The following CCDC6 variants were observed in gnomAD, a reference collection of about 807,000 sequenced individuals.
The protein encoded by CCDC6 is coiled-coil domain containing 6.
Under a neutral mutation model 56.6 loss-of-function variants are expected in CCDC6, and 20 were observed. The ratio of observed to expected loss-of-function variants is 0.35; its 90% confidence interval spans 0.25 to 0.51. The LOEUF (loss-of-function observed/expected upper bound fraction) is 0.51, where lower values mean the gene tolerates loss of function less well. CCDC6 is among the 20% of genes least tolerant of loss of function. CCDC6 has a pLI of 0.95. For synonymous variants in CCDC6, 241 were observed against 234.4 expected, an observed-to-expected ratio of 1.03 and a Z score of -0.26; for missense variants, 367 against 601.1, an observed-to-expected ratio of 0.61 and a Z score of 4.07.
chr10:59,837,344 G>T (rs1179376101), intron 2 of CCDC6, among the ~76,000 whole-genome samples: 1 of 152,220 alleles, frequency 6.6e-6, no homozygotes, highest in Non-Finnish European at 1.5e-5. Context: ...CCTAGGTTTT[G>T]TAAAATGTCA....
intron 3 of CCDC6, among the ~76,000 whole-genome samples, chr10:59,824,069 C>CTTCAA: frequency 6.6e-6 from 1 of 152,162 alleles, no homozygotes. Context: ...ATCATCTGTA[C>CTTCAA]AAGTTGACCT....
In CCDC6 at chr10:59,792,343, C is replaced by T; in HGVS notation, c.*574G>A. Reference sequence around the variant, plus strand: ...GATGTCAATAACACAATGAAAATAACCTGTAAAAAATGTATCTGTAGAAAG... The same window carrying T: ...GATGTCAATAACACAATGAAAATAATCTGTAAAAAATGTATCTGTAGAAAG... On this transcript the variant is annotated 3_prime_UTR_variant, in exon 9 of 9. Transcript: ENST00000263102. 2.6e-6 allele frequency: 1 copy of T among 383,800 alleles called. No individual in the cohort carries two copies. The allele number at this position is 383,800 out of a possible 1,614,324, so 23.8% of individuals were successfully genotyped here.
At chr10:59,836,053 A>T (rs368222094) in intron 2 of CCDC6, among the ~76,000 whole-genome samples, 27 of 90,554 alleles carry the variant, frequency 3.0e-4, no homozygotes, top group African/African-American at 1.1e-3. Flanking sequence ...GACCCTGTCT[A>T]AAAAAAAAAA....
At chr10:59,797,553 T>TAGAA (rs1486511441) in intron 7 of CCDC6, among the ~76,000 whole-genome samples, 2 of 107,152 alleles carry the variant, frequency 1.9e-5, no homozygotes, top group Admixed American at 1.4e-4. Flanking sequence ...AAACTGGAGA[T>TAGAA]AGATATTAAG....
At chr10:59,797,048 T>C (rs2070527074) in intron 7 of CCDC6, among the ~76,000 whole-genome samples, 3 of 151,482 alleles carry the variant, frequency 2.0e-5, no homozygotes, top group African/African-American at 7.3e-5. Context: ...GTGATATATA[T>C]AGACATATAA....
At chr10:59,885,927 C>CCA (rs2071380553) in intron 1 of CCDC6, among the ~76,000 whole-genome samples, 1 of 110,470 alleles carries the variant, frequency 9.1e-6, no homozygotes, top group Non-Finnish European at 1.8e-5. Flanking sequence ...CCCCCGCCCC[C>CCA]CCAACTAGAA....
intron 1 of CCDC6, among the ~76,000 whole-genome samples, chr10:59,896,390 C>G (rs1207255758): frequency 6.6e-6 from 1 of 152,148 alleles, no homozygotes; most frequent in Non-Finnish European, 1.5e-5. Flanking sequence ...TTACTGGCAC[C>G]AAGCCCAGAG....
At chr10:59,857,618 C>T (rs2071090622) in intron 1 of CCDC6, among the ~76,000 whole-genome samples, 1 of 151,906 alleles carries the variant, frequency 6.6e-6, no homozygotes, top group Non-Finnish European at 1.5e-5. Context: ...GATAGCAGCC[C>T]TATGGATATG....
intron 1 of CCDC6, among the ~76,000 whole-genome samples, chr10:59,904,437 T>G (rs77329626): frequency 0.018 from 2,818 of 152,338 alleles, 38 homozygotes; most frequent in Non-Finnish European, 0.029. Context: ...GCCCACTGCA[T>G]GCAAAAGGCT....
chr10:59,885,060 TAAC>T (rs34281702), intron 1 of CCDC6, among the ~76,000 whole-genome samples: 12 of 148,222 alleles, frequency 8.1e-5, no homozygotes, highest in Admixed American at 2.0e-4. Context: ...CGAGACTCCG[TAAC>T]AACAACAACA....
chr10:59,852,113 C>T (rs1463110912), intron 2 of CCDC6, among the ~76,000 whole-genome samples: 1 of 152,174 alleles, frequency 6.6e-6, no homozygotes, highest in East Asian at 1.9e-4. Context: ...TTTTAACTAT[C>T]ATGGATACCT....
intron 1 of CCDC6, among the ~76,000 whole-genome samples, chr10:59,885,931 A>ACCCC (rs2071380700): frequency 9.6e-6 from 1 of 104,274 alleles, no homozygotes; most frequent in Non-Finnish European, 1.8e-5. Flanking sequence ...CGCCCCCCCA[A>ACCCC]CTAGAATATC....
chr10:59,852,291 C>G (rs1164976531), intron 2 of CCDC6, among the ~76,000 whole-genome samples: 1 of 152,206 alleles, frequency 6.6e-6, no homozygotes, highest in East Asian at 1.9e-4. Context: ...TTCAACATCT[C>G]ATGCCAAGAT....
At chr10:59,865,852 C>CAAAAAAAAAAAAAAAAAAACAAAAAAAAA (rs2071172244) in intron 1 of CCDC6, among the ~76,000 whole-genome samples, 1 of 57,060 alleles carries the variant, frequency 1.8e-5, no homozygotes, top group Non-Finnish European at 3.2e-5. Flanking sequence ...TCCATCTCCA[C>CAAAAAAAAAAAAAAAAAAACAAAAAAAAA]AAAAAAAAAA....
chr10:59,861,148 C>T (rs778692364), intron 1 of CCDC6, among the ~76,000 whole-genome samples: 1 of 152,038 alleles, frequency 6.6e-6, no homozygotes, highest in African/African-American at 2.4e-5. Context: ...CATTGCATTC[C>T]ACCCTGGGTG....
intron 1 of CCDC6, among the ~76,000 whole-genome samples, chr10:59,878,017 C>T (rs2071299587): frequency 6.6e-6 from 1 of 152,148 alleles, no homozygotes; most frequent in South Asian, 2.1e-4. Context: ...GTTCGGGTAT[C>T]TATGGAATTT....
rs555566317 is a variant in CCDC6 at position 59,901,625 on chromosome 10, T to C, written c.303+4497A>G. 3.9e-5 allele frequency among the ~76,000 whole-genome samples: 6 copies of C among 152,358 alleles called. No individual in the cohort carries two copies. In the East Asian group the frequency reaches 7.7e-4, roughly 20 times the overall value. On this transcript the variant is annotated intron_variant, in intron 1 of 8. Transcript: ENST00000263102. The stretch of plus-strand genomic sequence containing the variant: ...ACACTTAAATATCAGTGATTTATTA[T>C]AGGCCTTGATTTCCAAACCAAACAC...
chr10:59,874,079 G>A (rs2071256253), intron 1 of CCDC6, among the ~76,000 whole-genome samples: 2 of 150,894 alleles, frequency 1.3e-5, no homozygotes, highest in East Asian at 2.0e-4. Flanking sequence ...AAGCATGTCC[G>A]AAGCGTAGAC....
intron 7 of CCDC6, among the ~76,000 whole-genome samples, chr10:59,802,347 T>C (rs955220344): frequency 6.6e-6 from 1 of 152,202 alleles, no homozygotes; most frequent in African/African-American, 2.4e-5. Flanking sequence ...ATGTTTAAAA[T>C]GGAAATGAAT....
Sources: allele counts gnomAD v4.1 joint callset (sites outside exome capture counted in the v4.1 genomes callset), GRCh38; gene constraint gnomAD v4.1.1; transcripts MANE v1.5; gene names NCBI Gene and HGNC (gene_info 2026-07-23, HGNC 2026-07-21).